Variants in LGSN observed in about 807,000 individuals in gnomAD.
LGSN encodes the protein lengsin, lens protein with glutamine synthetase domain, also known as lengsin.
A neutral mutation model predicts 19.5 loss-of-function variants in LGSN; 21 were observed. The observed-to-expected ratio is 1.07, with a 90% CI of 0.76 to 1.55. The LOEUF is 1.55. LGSN is among the 40% of genes most tolerant of loss of function. The pLI is 0.00. For missense variants in LGSN, 673 were observed against 608.5 expected (o/e 1.11, Z -1.12); for synonymous variants, 257 against 215.6 (o/e 1.19, Z -1.68).
chr6:63,519,278 G>A, the LGSN span, among the ~76,000 whole-genome samples: 1 of 152,088 alleles, frequency 6.6e-6, no homozygotes, highest in East Asian at 1.9e-4. Flanking sequence ...TTGCACTCCA[G>A]CCTGGGTGAC....
chr6:63,389,745 C>T, the LGSN span, among the ~76,000 whole-genome samples: 46 of 152,148 alleles, frequency 3.0e-4, 1 homozygote, highest in South Asian at 3.7e-3. Context: ...CTAATGGAGA[C>T]GATCATATCA....
intron 1 of LGSN, among the ~76,000 whole-genome samples, chr6:63,296,835 C>T (rs1767993667): frequency 6.6e-6 from 1 of 151,942 alleles, no homozygotes; most frequent in Non-Finnish European, 1.5e-5. Context: ...AATAACTTGC[C>T]CCAGGCCACA....
the LGSN span, among the ~76,000 whole-genome samples, chr6:63,428,119 G>A: frequency 2.0e-5 from 3 of 152,200 alleles, no homozygotes; most frequent in Admixed American, 1.3e-4. Flanking sequence ...TGCTGTAGGT[G>A]TTTATTTTCT....
the LGSN span, among the ~76,000 whole-genome samples, chr6:63,374,961 A>G: frequency 6.6e-6 from 1 of 152,246 alleles, no homozygotes; most frequent in Non-Finnish European, 1.5e-5. Context: ...GTTGCTGATA[A>G]TAAACATGTT....
chr6:63,553,105 G>C, the LGSN span, among the ~76,000 whole-genome samples: 1 of 152,196 alleles, frequency 6.6e-6, no homozygotes, highest in Admixed American at 6.5e-5. Flanking sequence ...ATGTATATCT[G>C]TGTATATTGA....
At chr6:63,345,207 A>G in the LGSN span, among the ~76,000 whole-genome samples, 2 of 152,270 alleles carry the variant, frequency 1.3e-5, no homozygotes, top group Non-Finnish European at 2.9e-5. Flanking sequence ...ACTCAGAAAT[A>G]TATGTTTTGG....
At chr6:63,378,185 G>A in the LGSN span, among the ~76,000 whole-genome samples, 3 of 152,092 alleles carry the variant, frequency 2.0e-5, no homozygotes, top group Admixed American at 6.6e-5. Context: ...GAACACAAAC[G>A]CTTAGGGATC....
chr6:63,495,469 T>TTTTTTTTTTTG, the LGSN span, among the ~76,000 whole-genome samples: 22,136 of 118,434 alleles, frequency 0.19, 1,560 homozygotes, highest in Non-Finnish European at 0.25. Context: ...TTTTTTTTTT[T>TTTTTTTTTTTG]TTTTTTTGAG....
chr6:63,295,911 G>T (rs1403917722), intron 1 of LGSN, among the ~76,000 whole-genome samples: 2 of 152,170 alleles, frequency 1.3e-5, no homozygotes, highest in African/African-American at 2.4e-5. Flanking sequence ...CCTCATAGTG[G>T]TTTGAGGAGA....
At chr6:63,534,092 C>A in the LGSN span, among the ~76,000 whole-genome samples, 3 of 151,922 alleles carry the variant, frequency 2.0e-5, no homozygotes, top group African/African-American at 4.8e-5. Flanking sequence ...ATCTGCCCAC[C>A]TTGACCTATC....
At chr6:63,410,900 T>A in the LGSN span, among the ~76,000 whole-genome samples, 286 of 152,150 alleles carry the variant, frequency 1.9e-3, 1 homozygote, top group African/African-American at 5.4e-3. Flanking sequence ...CTTCCTCAGG[T>A]CAAAACCAGT....
chr6:63,360,542 A>T, the LGSN span, among the ~76,000 whole-genome samples: 2 of 152,092 alleles, frequency 1.3e-5, no homozygotes, highest in African/African-American at 4.8e-5. Context: ...TGCATTGGTT[A>T]TTCTAGTTAG....
chr6:63,392,150 A>G, the LGSN span: 1 of 152,278 alleles, frequency 6.6e-6, no homozygotes, highest in Non-Finnish European at 1.5e-5. Context: ...GAGGTCAAAG[A>G]CGCCCAGGCC....
chr6:63,419,980 C>T, the LGSN span, among the ~76,000 whole-genome samples: 4 of 124,684 alleles, frequency 3.2e-5, no homozygotes, highest in East Asian at 8.3e-4. Context: ...CTGAGGCAGG[C>T]GGATAATGAG....
Position 63,295,027 on chromosome 6 carries a change from C to T in LGSN, c.49G>A (p.Gly17Ser). ...ATGCTGTTGGCTTCAGTCTCATTGC[C>T]TTCATCTCTTGTTGAGTCCTGTTGA... ...LLQEDSTRDEGNETEANSMNT... is the reference protein window; with the variant it reads ...LLQEDSTRDESNETEANSMNT... Residue 17 changes from glycine to serine, a missense_variant, in exon 2 of 4, where the codon GGC (glycine) becomes AGC (serine). Gly to Ser is a moderately conservative substitution (Grantham distance 56). Coordinates refer to ENST00000370657, the MANE Select transcript of LGSN (RefSeq NM_016571.3). 1 of 1,613,468 alleles carries T rather than the reference C, an allele frequency of 6.2e-7. No homozygotes were observed. The highest frequency in any genetic ancestry group is 8.5e-7 in the Non-Finnish European group (1 of 1,179,566).
chr6:63,449,982 T>C, the LGSN span, among the ~76,000 whole-genome samples: 1 of 152,032 alleles, frequency 6.6e-6, no homozygotes, highest in East Asian at 1.9e-4. Flanking sequence ...AATGTGTGTG[T>C]GAGAGAGAGA....
At position 63,283,618 on chromosome 6, in the gene LGSN, C is replaced by CTT. The variant is rs34439463; in HGVS notation, c.330+1967_330+1968dup. On this transcript the variant is annotated intron_variant, in intron 3 of 3. Transcript: ENST00000370657. The stretch of plus-strand genomic sequence containing the variant: ...TTTAGGTTACTTTGCACAAATGAAT[C>CTT]TTTTTTTTTTTTTTTTGAGATGGAA... Among the ~76,000 whole-genome samples, 117 of 139,476 alleles carry CTT rather than the reference C, an allele frequency of 8.4e-4. 1 individual carries two copies. The highest frequency in any genetic ancestry group is 1.6e-3 in the Admixed American group (22 of 14,004). The allele number at this position is 139,476 out of a possible 152,430, so 91.5% of individuals were successfully genotyped here.
chr6:63,313,837 AAAAT>A (rs56286412), intron 1 of LGSN, among the ~76,000 whole-genome samples: 68,869 of 147,394 alleles, frequency 0.47, 16,413 homozygotes, highest in Admixed American at 0.5. Flanking sequence ...CCCTGTCTCA[AAAAT>A]AAATAAATAA....
chr6:63,360,515 T>C, the LGSN span, among the ~76,000 whole-genome samples: 1 of 152,356 alleles, frequency 6.6e-6, no homozygotes, highest in South Asian at 2.1e-4. Context: ...CTCCATCAGG[T>C]CTTTTAAGGA....
Sources: gnomAD v4.1 joint callset for allele counts (sites outside exome capture counted in the v4.1 genomes callset) on GRCh38, gnomAD v4.1.1 for gene constraint, MANE v1.5 for transcripts, NCBI Gene and HGNC (gene_info 2026-07-23, HGNC 2026-07-21) for gene names.